The following MRAP variants were observed in gnomAD, a reference collection of about 807,000 sequenced individuals.
MRAP encodes melanocortin 2 receptor accessory protein.
A neutral mutation model predicts 8.7 loss-of-function variants in MRAP; 8 were observed. The observed-to-expected ratio is 0.92, with a 90% CI of 0.54 to 1.66. The LOEUF is 1.66. MRAP is among the 40% of genes most tolerant of loss of function. MRAP has a pLI of 0.00. For missense variants in MRAP, 237 were observed against 217.1 expected (o/e 1.09, Z -0.58); for synonymous variants, 95 against 95.5 (o/e 1.00, Z 0.03).
intron 1 of MRAP, among the ~76,000 whole-genome samples, chr21:32,306,174 A>C (rs2032410943): frequency 6.6e-6 from 1 of 152,074 alleles, no homozygotes; most frequent in African/African-American, 2.4e-5. Context: ...CATCCTCCGC[A>C]GGGTATCAAC....
In MRAP at chr21:32,298,952, G is replaced by C; in HGVS notation, c.-20G>C. ...AGGCGAGGCTGCCGGCCCGGACGCTGACTGCCCAGTGCCACAGACATGGCC... is the reference window on the plus strand; with the variant it reads ...AGGCGAGGCTGCCGGCCCGGACGCTCACTGCCCAGTGCCACAGACATGGCC... On this transcript the variant is annotated 5_prime_UTR_variant, in exon 1 of 3. Transcript: ENST00000303645. 2 of 1,596,598 alleles carry C rather than the reference G, an allele frequency of 1.3e-6. No homozygotes were observed. The highest frequency in any genetic ancestry group is 1.7e-6 in the Non-Finnish European group (2 of 1,164,356).
In MRAP at chr21:32,311,923, A is replaced by G. The variant is rs200448756; in HGVS notation, c.446A>G (p.Asn149Ser). 344 of 1,613,706 alleles carry G rather than the reference A, an allele frequency of 2.1e-4. 2 individuals carry two copies. The East Asian group carries it at 4.2e-3, about 20-fold the overall frequency. ...ACTCTCCTCTGGGAACTGACCCTCA[A>G]TGGGGGTCCCCTCGTCAGGAGCAAG... ...HPTLLWELTL[N>S]GGPLVRSKPS... The change falls in exon 3 of 3, where the codon AAT (asparagine) becomes AGT (serine). Residue 149 changes from asparagine (N) to serine (S), a missense_variant. By Grantham distance (46) the Asn-to-Ser change is conservative. Transcript: ENST00000303645.
At chr21:32,307,950 A>C (rs1302530623) in intron 2 of MRAP, among the ~76,000 whole-genome samples, 2 of 152,240 alleles carry the variant, frequency 1.3e-5, no homozygotes, top group Non-Finnish European at 2.9e-5. Flanking sequence ...AAGACCACTG[A>C]AATTGTACTC....
chr21:32,310,320 C>G lies in MRAP; in HGVS notation c.207-1364C>G, dbSNP rs956575172. Among the ~76,000 whole-genome samples the G allele has an allele frequency of 6.7e-5, 10 of 150,334 alleles. No individual in the cohort carries two copies. In the East Asian group the frequency reaches 1.9e-3, roughly 29 times the overall value. ...GATTTAGGAGTCATTCCCTGAGGAG[C>G]TGACACCTTCCCATGATGGGGGGGG... On this transcript the variant is annotated intron_variant, in intron 2 of 2. Coordinates refer to ENST00000303645, the MANE Select transcript of MRAP (RefSeq NM_001379228.1).
chr21:32,314,017 TA>T (rs1285919708), downstream of MRAP: 1 of 154,022 alleles, frequency 6.5e-6, no homozygotes, highest in Non-Finnish European at 1.4e-5. Flanking sequence ...AGTATAGCTT[TA>T]AAAATTACAG....
In MRAP at chr21:32,307,521, G is replaced by C. The variant is rs546373943; in HGVS notation, c.206+782G>C. 2.7e-5 allele frequency among the ~76,000 whole-genome samples: 4 copies of C among 150,426 alleles called. No homozygotes were observed. In the South Asian group the frequency reaches 8.4e-4, roughly 32 times the overall value. On this transcript the variant is annotated intron_variant, in intron 2 of 2. Transcript: ENST00000303645. The stretch of plus-strand genomic sequence containing the variant: ...GAACCCAGGTGGCGGAGGTTGCAGT[G>C]AGCCGAGACTGTGCCACTACACTCC...
intron 1 of MRAP, among the ~76,000 whole-genome samples, chr21:32,302,763 A>AC (rs1032590951): frequency 6.6e-6 from 1 of 152,144 alleles, no homozygotes; most frequent in Non-Finnish European, 1.5e-5. Context: ...AAGTCTAGTA[A>AC]CCCCTGGAGG....
At chr21:32,302,969 C>A (rs949203561) in intron 1 of MRAP, among the ~76,000 whole-genome samples, 1 of 145,006 alleles carries the variant, frequency 6.9e-6, no homozygotes, top group African/African-American at 2.6e-5. Flanking sequence ...GTAACCTATG[C>A]CCCAATTCCC....
In MRAP at chr21:32,311,765, C is replaced by T; in HGVS notation, c.288C>T (p.Cys96=). Reference sequence around the variant, plus strand: ...TCTGCATCCAGAAGTGCCTGCCGTGCCACAGGGAACCCCTGGCAACCTCAC... The same window carrying T: ...TCTGCATCCAGAAGTGCCTGCCGTGTCACAGGGAACCCCTGGCAACCTCAC... ...LHLCIQKCLP[C]HREPLATSQA... Residue 96 remains cysteine, a synonymous_variant, in exon 3 of 3, where the codon TGC becomes TGT. Transcript: ENST00000303645. 1 of 1,614,104 alleles carries T rather than the reference C, an allele frequency of 6.2e-7. No individual in the cohort carries two copies. Among genetic ancestry groups the T allele is most frequent in the Non-Finnish European group, 8.5e-7 (1 of 1,180,004 alleles).
chr21:32,301,844 G>A (rs945572793), intron 1 of MRAP, among the ~76,000 whole-genome samples: 1 of 152,234 alleles, frequency 6.6e-6, no homozygotes, highest in African/African-American at 2.4e-5. Flanking sequence ...GCTTCTCTGA[G>A]CACAGGACGC....
intron 1 of MRAP, among the ~76,000 whole-genome samples, chr21:32,299,768 A>T (rs2032215475): frequency 6.6e-6 from 1 of 152,198 alleles, no homozygotes; most frequent in Non-Finnish European, 1.5e-5. Context: ...TCCATCCCTA[A>T]AATGCAGATT....
At chr21:32,300,375 A>G (rs1043191527) in intron 1 of MRAP, among the ~76,000 whole-genome samples, 5 of 147,746 alleles carry the variant, frequency 3.4e-5, no homozygotes, top group Non-Finnish European at 6.0e-5. Context: ...CACACATCCT[A>G]TGTCAGGGGC....
At chr21:32,296,770 A>C (rs2032146727), upstream of MRAP, among the ~76,000 whole-genome samples, 2 of 152,194 alleles carry the variant, frequency 1.3e-5, no homozygotes, top group Admixed American at 1.3e-4. Context: ...ACACTATAAA[A>C]GATTTTTTTA....
At chr21:32,301,908 T>A (rs2032305656) in intron 1 of MRAP, among the ~76,000 whole-genome samples, 1 of 152,174 alleles carries the variant, frequency 6.6e-6, no homozygotes, top group Non-Finnish European at 1.5e-5. Flanking sequence ...TGTAGAAAAT[T>A]CAAAGTATAG....
At chr21:32,300,485 G>A (rs936865459) in intron 1 of MRAP, among the ~76,000 whole-genome samples, 5 of 150,506 alleles carry the variant, frequency 3.3e-5, no homozygotes, top group Non-Finnish European at 7.4e-5. Context: ...GGCGCCATGC[G>A]TCCTATGTCG....
At chr21:32,301,084 TATATC>T (rs376953843) in intron 1 of MRAP, among the ~76,000 whole-genome samples, 2,569 of 148,516 alleles carry the variant, frequency 0.017, 57 homozygotes, top group African/African-American at 0.062. Flanking sequence ...TATATCATGA[TATATC>T]GTATATGATA....
rs1366249742 is a variant in MRAP, at chr21:32,299,377, T to C, written c.106+300T>C. 2.0e-5 allele frequency among the ~76,000 whole-genome samples: 3 copies of C among 152,186 alleles called. No homozygotes were observed. The East Asian group carries it at 5.8e-4, about 29-fold the overall frequency. ...GGAGATAGGGTCTAGCTCTGTTGCC[T>C]AGGCTGGAGTGCAGTGGCGTGACCA... On this transcript the variant is annotated intron_variant, in intron 1 of 2. Transcript: ENST00000303645.
In MRAP at chr21:32,307,300, C is replaced by T. The variant is rs573444327; in HGVS notation, c.206+561C>T. ...AAAAATGTTCTAAAATTAAGCTGGG[C>T]GTGGTGGCTCACGCCTGTAATCCCA... On this transcript the variant is annotated intron_variant, in intron 2 of 2. Coordinates refer to ENST00000303645, the MANE Select transcript of MRAP (RefSeq NM_001379228.1). Among the ~76,000 whole-genome samples, 94 of 152,220 alleles carry T rather than the reference C, an allele frequency of 6.2e-4. 1 individual carries two copies. The highest frequency in any genetic ancestry group is 2.1e-3 in the African/African-American group (87 of 41,562).
rs180724901 is a variant in MRAP at position 32,307,510 on chromosome 21, G to A, written c.206+771G>A. Among the ~76,000 whole-genome samples, 7 of 149,572 alleles carry A rather than the reference G, an allele frequency of 4.7e-5. No homozygotes were observed. The East Asian group carries it at 1.4e-3, about 30-fold the overall frequency. On this transcript the variant is annotated intron_variant, in intron 2 of 2. Coordinates refer to ENST00000303645, the MANE Select transcript of MRAP (RefSeq NM_001379228.1). Reference sequence around the variant, plus strand: ...GAGAATTGCTGGAACCCAGGTGGCGGAGGTTGCAGTGAGCCGAGACTGTGC... The same window carrying A: ...GAGAATTGCTGGAACCCAGGTGGCGAAGGTTGCAGTGAGCCGAGACTGTGC...
Sources: allele counts gnomAD v4.1 joint callset (sites outside exome capture counted in the v4.1 genomes callset), GRCh38; gene constraint gnomAD v4.1.1; transcripts MANE v1.5; gene names NCBI Gene and HGNC (gene_info 2026-07-23, HGNC 2026-07-21).